The following SEC14L1 variants were observed in gnomAD, a reference collection of about 807,000 sequenced individuals.
SEC14L1 encodes SEC14-like protein 1.
A neutral mutation model predicts 85.3 loss-of-function variants in SEC14L1; 48 were observed. The observed-to-expected ratio is 0.56, with a 90% CI of 0.45 to 0.72. The LOEUF (loss-of-function observed/expected upper bound fraction) is 0.72, where lower values mean the gene tolerates loss of function less well. Among genes scored for constraint, SEC14L1 ranks in the 30% least tolerant of loss-of-function variants. The probability of loss-of-function intolerance (pLI) is 0.00; values close to 1 mark genes in which losing one functional copy is unlikely to be tolerated. For missense variants in SEC14L1, 682 were observed against 921.4 expected (o/e 0.74, Z 3.36); for synonymous variants, 391 against 355.5 (o/e 1.10, Z -1.12).
chr17:77,123,800 C>A (rs1412876796), intron 3 of SEC14L1, among the ~76,000 whole-genome samples: 1 of 152,148 alleles, frequency 6.6e-6, no homozygotes, highest in African/African-American at 2.4e-5. Context: ...CCAGCTTCCC[C>A]GGCTTGTGGA....
chr17:77,183,093 A>C (rs1975108265), intron 3 of SEC14L1, among the ~76,000 whole-genome samples: 1 of 152,256 alleles, frequency 6.6e-6, no homozygotes, highest in African/African-American at 2.4e-5. Flanking sequence ...GAGTTATTGC[A>C]AAAGACAATA....
At chr17:77,119,233 G>C (rs532529772) in intron 3 of SEC14L1, among the ~76,000 whole-genome samples, 1 of 151,638 alleles carries the variant, frequency 6.6e-6, no homozygotes, top group Admixed American at 6.6e-5. Context: ...GCTTGAATCT[G>C]GGGGGCAGAG....
chr17:77,188,713 T>TA (rs780260785), intron 3 of SEC14L1, among the ~76,000 whole-genome samples: 1 of 152,200 alleles, frequency 6.6e-6, no homozygotes, highest in Non-Finnish European at 1.5e-5. Context: ...TTTAAGAAGA[T>TA]ACCTGTTTTC....
In SEC14L1 at chr17:77,214,352, T is replaced by G. The variant is rs568081280; in HGVS notation, c.*329T>G. Reference sequence around the variant, plus strand: ...CTCAGATATTGATGCAAAAAATTTTTCCAACGAACTCCGCATTGTCCATTA... The same window carrying G: ...CTCAGATATTGATGCAAAAAATTTTGCCAACGAACTCCGCATTGTCCATTA... On this transcript the variant is annotated 3_prime_UTR_variant, in exon 17 of 17. Coordinates refer to ENST00000436233, the MANE Select transcript of SEC14L1 (RefSeq NM_001143998.2). 9.4e-7 allele frequency: 1 copy of G among 1,068,792 alleles called. No individual in the cohort carries two copies. Among genetic ancestry groups the G allele is most frequent in the South Asian group, 3.2e-5 (1 of 30,964 alleles). The allele number at this position is 1,068,792 out of a possible 1,614,324, so 66.2% of individuals were successfully genotyped here. A position where few individuals can be genotyped will look rare whatever the true frequency, so the allele number is the denominator to read the frequency against.
At position 77,200,356 on chromosome 17, in the gene SEC14L1, A is replaced by T. The variant is rs577523719; in HGVS notation, c.820-128A>T. The T allele has an allele frequency of 9.1e-6, 6 of 657,374 alleles. No individual in the cohort carries two copies. The African/African-American group carries it at 9.2e-5, about 10-fold the overall frequency. The allele number at this position is 657,374 out of a possible 1,614,324, so 40.7% of individuals were successfully genotyped here. A position where few individuals can be genotyped will look rare whatever the true frequency, so the allele number is the denominator to read the frequency against. ...GCTGATTTTTGTATTTTTAGTAGAG[A>T]TGGCATTTCACCATATTGGCCAGGC... On this transcript the variant is annotated intron_variant, in intron 8 of 16. Transcript: ENST00000436233.
At chr17:77,100,293 G>T (rs1271989998) in intron 3 of SEC14L1, among the ~76,000 whole-genome samples, 2 of 152,084 alleles carry the variant, frequency 1.3e-5, no homozygotes, top group African/African-American at 4.8e-5. Context: ...CGGCATTCAC[G>T]TTAGTGCGCA....
In SEC14L1 at chr17:77,214,699, A is replaced by G. The variant is rs928775665; in HGVS notation, c.*676A>G. The stretch of plus-strand genomic sequence containing the variant: ...CAGGAAAATGCTGCCATCGTTAAAC[A>G]TTACTTTCTCTTTCCTCCTTTTCAA... On this transcript the variant is annotated 3_prime_UTR_variant, in exon 17 of 17. Transcript: ENST00000436233. 1.0e-6 allele frequency: 1 copy of G among 985,380 alleles called. No individual in the cohort carries two copies. The highest frequency in any genetic ancestry group is 4.7e-5 in the South Asian group (1 of 21,296). The allele number at this position is 985,380 out of a possible 1,614,324, so 61.0% of individuals were successfully genotyped here. A position where few individuals can be genotyped will look rare whatever the true frequency, so the allele number is the denominator to read the frequency against.
chr17:77,207,945 C>T (rs985036281), intron 13 of SEC14L1, among the ~76,000 whole-genome samples: 2 of 152,128 alleles, frequency 1.3e-5, no homozygotes, highest in African/African-American at 2.4e-5. Context: ...GGGAGCATTA[C>T]GGAAGCCAGA....
intron 3 of SEC14L1, among the ~76,000 whole-genome samples, chr17:77,181,985 A>C (rs959835962): frequency 3.3e-5 from 5 of 152,120 alleles, no homozygotes; most frequent in Non-Finnish European, 7.4e-5. Flanking sequence ...GAGCACTGGC[A>C]GCTTGTAGAG....
intron 3 of SEC14L1, among the ~76,000 whole-genome samples, chr17:77,187,674 G>A (rs1975329969): frequency 1.3e-5 from 2 of 151,692 alleles, no homozygotes; most frequent in South Asian, 2.1e-4. Context: ...CACTGCACCC[G>A]GCCTTATTCT....
At chr17:77,115,762 C>T (rs1415101501) in intron 3 of SEC14L1, among the ~76,000 whole-genome samples, 1 of 152,148 alleles carries the variant, frequency 6.6e-6, no homozygotes, top group Admixed American at 6.6e-5. Context: ...ACAAAATCAG[C>T]ACTGAGAGAG....
intron 3 of SEC14L1, among the ~76,000 whole-genome samples, chr17:77,182,819 G>T (rs1200503417): frequency 6.6e-6 from 1 of 152,220 alleles, no homozygotes; most frequent in African/African-American, 2.4e-5. Flanking sequence ...CTGCTGATGT[G>T]GGCTCTGTGG....
At chr17:77,156,417 A>G (rs1001188960) in intron 3 of SEC14L1, among the ~76,000 whole-genome samples, 1 of 152,138 alleles carries the variant, frequency 6.6e-6, no homozygotes, top group East Asian at 1.9e-4. Context: ...TCTATTAAAA[A>G]TACAAAAATT....
Position 77,097,575 on chromosome 17 carries a change from T to A in SEC14L1, c.-136+4228T>A, listed in dbSNP as rs193222972. Reference sequence around the variant, plus strand: ...AAGACTCCATCTCAAGAAAAAAAATTTAAAAAAAAGAGTGCTGATTGTTAG... The same window carrying A: ...AAGACTCCATCTCAAGAAAAAAAATATAAAAAAAAGAGTGCTGATTGTTAG... On this transcript the variant is annotated intron_variant, in intron 3 of 19. Coordinates refer to the SEC14L1 transcript ENST00000392476. 3.8e-3 allele frequency among the ~76,000 whole-genome samples: 548 copies of A among 145,212 alleles called. 4 individuals are homozygous for A. The highest frequency in any genetic ancestry group is 6.3e-3 in the Non-Finnish European group (420 of 66,448).
In SEC14L1 at chr17:77,199,695, G is replaced by A. The variant is rs149522685; in HGVS notation, c.820-789G>A. ...CATTCATAGATCCGTTCATAGAGTT[G>A]AAGCATTTGATGTTTAGGGAATTAT... On this transcript the variant is annotated intron_variant, in intron 8 of 16. Transcript: ENST00000436233. Among the ~76,000 whole-genome samples, 1,440 of 152,298 alleles carry A rather than the reference G, an allele frequency of 9.5e-3. 14 individuals carry two copies. Among genetic ancestry groups the A allele is most frequent in the South Asian group, 0.053 (254 of 4,822 alleles).
chr17:77,131,837 G>T (rs188101545), intron 3 of SEC14L1, among the ~76,000 whole-genome samples: 1 of 152,192 alleles, frequency 6.6e-6, no homozygotes, highest in Non-Finnish European at 1.5e-5. Context: ...TCTGCTAGTA[G>T]TAGGAAGGGT....
chr17:77,144,479 A>AGAAACAC (rs1437445985), intron 3 of SEC14L1, among the ~76,000 whole-genome samples: 1 of 152,218 alleles, frequency 6.6e-6, no homozygotes, highest in Non-Finnish European at 1.5e-5. Flanking sequence ...TTCTATAAAT[A>AGAAACAC]GAAACGCAGG....
intron 3 of SEC14L1, among the ~76,000 whole-genome samples, chr17:77,135,158 G>A (rs996034744): frequency 6.6e-6 from 1 of 152,100 alleles, no homozygotes; most frequent in Admixed American, 6.6e-5. Flanking sequence ...ACACTGTTGG[G>A]GAGCAGGGCA....
At chr17:77,115,996 G>A (rs1012309472) in intron 3 of SEC14L1, among the ~76,000 whole-genome samples, 2 of 150,486 alleles carry the variant, frequency 1.3e-5, no homozygotes, top group Admixed American at 6.6e-5. Context: ...ACTGCTCATC[G>A]CAGCCTCCAA....
Sources: gnomAD v4.1 joint callset for allele counts (sites outside exome capture counted in the v4.1 genomes callset) on GRCh38, gnomAD v4.1.1 for gene constraint, MANE v1.5 for transcripts, NCBI Gene and HGNC (gene_info 2026-07-23, HGNC 2026-07-21) for gene names.